Variants in ACAN observed in about 807,000 individuals in gnomAD.
ACAN encodes the protein aggrecan core protein.
In ACAN, 47 loss-of-function variants were observed where a neutral mutation model predicts 169.1. The ratio of observed to expected loss-of-function variants is 0.28; its 90% CI spans 0.22 to 0.35. ACAN has a LOEUF of 0.35. ACAN is among the 10% of genes least tolerant of loss of function. The pLI, the probability that ACAN is intolerant of heterozygous loss-of-function variation, is 1.00. For missense variants in ACAN, 2,716 were observed against 2,759.9 expected (o/e 0.98, Z 0.36); for synonymous variants, 1,115 against 1,112.2 (o/e 1.00, Z -0.05).
At position 88,858,642 on chromosome 15, in the gene ACAN, T is replaced by C. The variant is rs371314805; in HGVS notation, c.6057T>C (p.Ser2019=). Residue 2019 remains serine, a synonymous_variant, in exon 12 of 19, where the codon TCT becomes TCC. Coordinates refer to ENST00000560601, the MANE Select transcript of ACAN (RefSeq NM_001369268.1). This position sits in a 1 kb window ranked among gnomAD's most constrained non-coding sequence, Gnocchi z 4.0. ...ASTTNVSGES[S]VAMGTSGEAS... The stretch of plus-strand genomic sequence containing the variant: ...CCACCAATGTAAGTGGAGAATCCTC[T>C]GTAGCCATGGGCACCAGTGGAGAGG... 62 of 1,613,868 alleles carry C rather than the reference T, an allele frequency of 3.8e-5. No homozygotes were observed. Among genetic ancestry groups the C allele is most frequent in the Non-Finnish European group, 5.3e-5 (62 of 1,179,914 alleles).
In ACAN at chr15:88,861,164, T is replaced by C. The variant is rs1443289484; in HGVS notation, c.6946+725T>C. Among the ~76,000 whole-genome samples, 2 of 151,876 alleles carry C rather than the reference T, an allele frequency of 1.3e-5. No individual in the cohort carries two copies. Among genetic ancestry groups the C allele is most frequent in the Non-Finnish European group, 2.9e-5 (2 of 68,018 alleles). On this transcript the variant is annotated intron_variant, in intron 13 of 18. Transcript: ENST00000560601. This position sits in a 1 kb window ranked among gnomAD's most constrained non-coding sequence, Gnocchi z 6.3. ...GTGGTCATGAGGACATCTCATCTCA[T>C]CTTATCAACATCACCACCTTGAGGA... is the stretch of plus-strand genomic sequence containing the variant.
chr15:88,849,041 G>A lies in ACAN; in HGVS notation c.1733-397G>A, dbSNP rs1896864030. On this transcript the variant is annotated intron_variant, in intron 9 of 18. Coordinates refer to ENST00000560601, the MANE Select transcript of ACAN (RefSeq NM_001369268.1). The surrounding 1 kb of genome is among the most constrained non-coding windows in gnomAD (Gnocchi z 5.1). ...AGCAGTCACAGTGATAAGTGCAGTG[G>A]TGTAGGGGTGCAAAGGGATTGGAGG... Among the ~76,000 whole-genome samples the A allele has an allele frequency of 6.6e-6, 1 of 152,228 alleles. No homozygotes were observed. The highest frequency in any genetic ancestry group is 2.4e-5 in the African/African-American group (1 of 41,464).
At chr15:88,825,426 C>A (rs146172935) in intron 1 of ACAN, among the ~76,000 whole-genome samples, 2 of 152,322 alleles carry the variant, frequency 1.3e-5, no homozygotes, top group African/African-American at 4.8e-5. Flanking sequence ...TATGAAAATT[C>A]TGGCCAAAGG....
At chr15:88,862,206 C>G (rs1003902052) in intron 13 of ACAN, among the ~76,000 whole-genome samples, 4 of 152,220 alleles carry the variant, frequency 2.6e-5, no homozygotes, top group Non-Finnish European at 5.9e-5. Flanking sequence ...TCAAGACTTG[C>G]AGCCCAGCCT....
At chr15:88,864,659 G>C (rs1255567747) in intron 13 of ACAN, among the ~76,000 whole-genome samples, 1 of 152,188 alleles carries the variant, frequency 6.6e-6, no homozygotes, top group Non-Finnish European at 1.5e-5. Flanking sequence ...GAGACAACCA[G>C]AAAGTTAGTG....
At chr15:88,840,773 A>G (rs1315293517) in intron 4 of ACAN, among the ~76,000 whole-genome samples, 1 of 130,718 alleles carries the variant, frequency 7.7e-6, no homozygotes, top group Non-Finnish European at 1.6e-5. Context: ...TTAGGATACA[A>G]AAACTATAGC....
In ACAN at chr15:88,866,189, C is replaced by T. The variant is rs566825982; in HGVS notation, c.6947-2027C>T. Among the ~76,000 whole-genome samples the T allele has an allele frequency of 1.3e-5, 2 of 152,190 alleles. No individual in the cohort carries two copies. The highest frequency in any genetic ancestry group is 2.9e-5 in the Non-Finnish European group (2 of 68,034). ...ACTGGATACCCCCCAGCCTGACCTCCGCTGGGGTGTCTTTCCTTTCCTGCC... is the reference window on the plus strand; with the variant it reads ...ACTGGATACCCCCCAGCCTGACCTCTGCTGGGGTGTCTTTCCTTTCCTGCC... On this transcript the variant is annotated intron_variant, in intron 13 of 18. Transcript: ENST00000560601. The surrounding 1 kb of genome is among the most constrained non-coding windows in gnomAD (Gnocchi z 5.6).
At chr15:88,824,215 T>C (rs1328777582) in intron 1 of ACAN, among the ~76,000 whole-genome samples, 1 of 151,810 alleles carries the variant, frequency 6.6e-6, no homozygotes, top group Non-Finnish European at 1.5e-5. Context: ...TCCCAGCTAC[T>C]CAGGAGGCTG....
chr15:88,835,369 GCA>G (rs1465287117), intron 1 of ACAN, among the ~76,000 whole-genome samples: 1 of 151,904 alleles, frequency 6.6e-6, no homozygotes, highest in Non-Finnish European at 1.5e-5. Flanking sequence ...TAGGACACAT[GCA>G]CACAGACACA....
chr15:88,859,035 C>G lies in ACAN; in HGVS notation c.6450C>G (p.Ser2150Arg). The G allele has an allele frequency of 6.2e-7, 1 of 1,613,936 alleles. No homozygotes were observed. Among genetic ancestry groups the G allele is most frequent in the Non-Finnish European group, 8.5e-7 (1 of 1,179,888 alleles). ...AGAGATCCTCTGGCCTAGGAGTGAGCGGCAGCACTTTGACATTTCAAGAAG... is the reference window on the plus strand; with the variant it reads ...AGAGATCCTCTGGCCTAGGAGTGAGGGGCAGCACTTTGACATTTCAAGAAG... Reference protein sequence around the residue: ...NLERSSGLGVSGSTLTFQEGE... With the variant: ...NLERSSGLGVRGSTLTFQEGE... Residue 2150 changes from serine (S) to arginine (R), a missense_variant, in exon 12 of 19, where the codon AGC (serine) becomes AGG (arginine). Coordinates refer to ENST00000560601, the MANE Select transcript of ACAN (RefSeq NM_001369268.1).
intron 6 of ACAN, among the ~76,000 whole-genome samples, chr15:88,844,166 A>C (rs984309923): frequency 1.3e-5 from 2 of 151,706 alleles, no homozygotes; most frequent in Non-Finnish European, 2.9e-5. Context: ...ACAGGGTCTC[A>C]CTCTGTCATC....
chr15:88,833,931 G>A (rs985422663), intron 1 of ACAN, among the ~76,000 whole-genome samples: 2 of 152,106 alleles, frequency 1.3e-5, no homozygotes, highest in Admixed American at 6.5e-5. Flanking sequence ...AAGAACAGGC[G>A]GGCCTTGTGT....
chr15:88,817,215 C>T (rs975439915), intron 1 of ACAN, among the ~76,000 whole-genome samples: 3 of 152,156 alleles, frequency 2.0e-5, no homozygotes, highest in East Asian at 1.9e-4. Flanking sequence ...GATCTTGGCT[C>T]GCTGCAACCT....
chr15:88,819,710 G>A (rs961956343), intron 1 of ACAN, among the ~76,000 whole-genome samples: 2 of 151,996 alleles, frequency 1.3e-5, no homozygotes, highest in Admixed American at 1.3e-4. Context: ...AGGCTGCAGT[G>A]AGCTATGATC....
At chr15:88,811,884 A>T (rs1235954233) in intron 1 of ACAN, among the ~76,000 whole-genome samples, 1 of 151,794 alleles carries the variant, frequency 6.6e-6, no homozygotes, top group East Asian at 1.9e-4. Context: ...CCCCAGACTC[A>T]CGTGACCCAG....
chr15:88,870,097 T>G lies in ACAN; in HGVS notation c.7061-1285T>G, dbSNP rs1031276268. ...CCTCACCCCTTGGGGAAGGCATTCA[T>G]AGCTGAGGCACCAGAGGCCTCCACG... On this transcript the variant is annotated intron_variant, in intron 14 of 18. Transcript: ENST00000560601. The surrounding 1 kb of genome is among the most constrained non-coding windows in gnomAD (Gnocchi z 6.3). 6.6e-6 allele frequency among the ~76,000 whole-genome samples: 1 copy of G among 152,200 alleles called. No homozygotes were observed. The highest frequency in any genetic ancestry group is 2.4e-5 in the African/African-American group (1 of 41,442).
At chr15:88,817,266 A>C (rs12917038) in intron 1 of ACAN, among the ~76,000 whole-genome samples, 151,060 of 152,248 alleles carry the variant, frequency 0.99, 74,944 homozygotes, top group Middle Eastern at 1. Context: ...CTCGGCCTCC[A>C]GAGTAGCTGT....
At chr15:88,825,099 G>A (rs1356941799) in intron 1 of ACAN, among the ~76,000 whole-genome samples, 1 of 152,188 alleles carries the variant, frequency 6.6e-6, no homozygotes, top group African/African-American at 2.4e-5. Context: ...GGCACAGCTA[G>A]AATGTGGCGG....
chr15:88,822,916 T>G (rs1177007961), intron 1 of ACAN, among the ~76,000 whole-genome samples: 1 of 152,204 alleles, frequency 6.6e-6, no homozygotes, highest in Non-Finnish European at 1.5e-5. Context: ...AGGATTGGAC[T>G]AGTCACCCCT....
Sources: allele counts gnomAD v4.1 joint callset (sites outside exome capture counted in the v4.1 genomes callset), GRCh38; gene constraint gnomAD v4.1.1; non-coding constraint Gnocchi (gnomAD v3.1); transcripts MANE v1.5; gene names NCBI Gene and HGNC (gene_info 2026-07-23, HGNC 2026-07-21).